Variants in ADAMTS9 observed in about 807,000 individuals in gnomAD.
ADAMTS9 encodes the protein ADAM metallopeptidase with thrombospondin type 1 motif 9, also known as A disintegrin and metalloproteinase with thrombospondin motifs 9.
Under a neutral mutation model 257.1 loss-of-function variants are expected in ADAMTS9, and 107 were observed. The observed-to-expected ratio is 0.42, with a 90% CI of 0.36 to 0.49. The LOEUF is 0.49. ADAMTS9 is among the 20% of genes least tolerant of loss of function. The pLI is 0.03. For synonymous variants in ADAMTS9, 982 were observed against 880.9 expected, an observed-to-expected ratio of 1.11 and a Z score of -2.03; for missense variants, 2,353 against 2,469.1, an observed-to-expected ratio of 0.95 and a Z score of 1.00.
At chr3:64,556,353 C>G (rs1292231048) in intron 30 of ADAMTS9, among the ~76,000 whole-genome samples, 1 of 152,142 alleles carries the variant, frequency 6.6e-6, no homozygotes, top group African/African-American at 2.4e-5. Context: ...CAGGGTCTTG[C>G]TCTGTTGCCC....
In ADAMTS9 at chr3:64,648,286, C is replaced by G. The variant is rs560587238; in HGVS notation, c.1606-242G>C. Among the ~76,000 whole-genome samples, 4 of 152,322 alleles carry G rather than the reference C, an allele frequency of 2.6e-5. No individual in the cohort carries two copies. The South Asian group carries it at 8.3e-4, about 32-fold the overall frequency. ...CTAAGGAAAGAAAACTTCACAGACA[C>G]AGCTGAAGGCCCTATGTACTCATCC... On this transcript the variant is annotated intron_variant, in intron 10 of 39. Transcript: ENST00000498707.
At chr3:64,583,931 C>T (rs1375274225) in intron 28 of ADAMTS9, 1 of 152,110 alleles carries the variant, frequency 6.6e-6, no homozygotes, top group African/African-American at 2.4e-5. Context: ...AATGAAGATC[C>T]CAATTACAAT....
chr3:64,598,725 A>C (rs1008076058), intron 26 of ADAMTS9, among the ~76,000 whole-genome samples: 12 of 152,184 alleles, frequency 7.9e-5, no homozygotes, highest in African/African-American at 2.9e-4. Flanking sequence ...AATGTTAGGA[A>C]GGGCCTTTCA....
chr3:64,572,638 A>C (rs1231805072), intron 28 of ADAMTS9, among the ~76,000 whole-genome samples: 1 of 152,188 alleles, frequency 6.6e-6, no homozygotes, highest in African/African-American at 2.4e-5. Context: ...CTGGACATCC[A>C]AAACAAGATG....
intron 12 of ADAMTS9, among the ~76,000 whole-genome samples, chr3:64,640,737 C>T (rs1217857024): frequency 6.6e-6 from 1 of 152,132 alleles, no homozygotes; most frequent in Non-Finnish European, 1.5e-5. Flanking sequence ...ATTTTCTATT[C>T]CTTTTCAACT....
intron 8 of ADAMTS9, 146 bp from the exon 9 acceptor site, chr3:64,651,309 T>A (rs1576161421): frequency 1.7e-6 from 1 of 596,762 alleles, no homozygotes; most frequent in African/African-American, 2.0e-5. Context: ...CAGAATAAAA[T>A]GTAAGACAAT....
intron 4 of ADAMTS9, among the ~76,000 whole-genome samples, chr3:64,657,277 T>C (rs202066737): frequency 6.6e-6 from 1 of 152,338 alleles, no homozygotes; most frequent in East Asian, 1.9e-4. Context: ...ATCTCATTAA[T>C]AATTTTTAAA....
At chr3:64,553,678 A>G (rs2083297202) in intron 30 of ADAMTS9, among the ~76,000 whole-genome samples, 1 of 152,090 alleles carries the variant, frequency 6.6e-6, no homozygotes, top group Non-Finnish European at 1.5e-5. Context: ...TCACTTGCAA[A>G]CTAAACTTAA....
intron 30 of ADAMTS9, among the ~76,000 whole-genome samples, chr3:64,558,578 C>T (rs374549684): frequency 3.5e-4 from 54 of 152,194 alleles, no homozygotes; most frequent in African/African-American, 1.3e-3. Flanking sequence ...CCCTGATGAC[C>T]ATGGCCATGG....
intron 30 of ADAMTS9, among the ~76,000 whole-genome samples, chr3:64,551,480 A>T (rs1044538461): frequency 2.6e-5 from 4 of 152,160 alleles, no homozygotes; most frequent in South Asian, 2.1e-4. Flanking sequence ...AAGTGCTGGG[A>T]TTACAGGCGT....
chr3:64,648,643 T>C (rs1431683024), intron 10 of ADAMTS9, among the ~76,000 whole-genome samples: 1 of 152,190 alleles, frequency 6.6e-6, no homozygotes, highest in Non-Finnish European at 1.5e-5. Context: ...TTTTTTTAAA[T>C]AGAAAAAGTT....
chr3:64,674,277 A>T (rs1701570104), intron 3 of ADAMTS9, among the ~76,000 whole-genome samples: 1 of 144,600 alleles, frequency 6.9e-6, no homozygotes, highest in South Asian at 2.1e-4. Context: ...TAAAAAAGAG[A>T]AAAAAATGTA....
intron 13 of ADAMTS9, 22 bp from the exon 14 acceptor site, chr3:64,633,630 A>G (rs1343331993): frequency 2.5e-6 from 4 of 1,613,816 alleles, no homozygotes; most frequent in Non-Finnish European, 3.4e-6. Flanking sequence ...AAACAATACA[A>G]CTTGACTTTT....
intron 22 of ADAMTS9, among the ~76,000 whole-genome samples, chr3:64,612,669 G>A (rs971824365): frequency 1.3e-5 from 2 of 152,190 alleles, no homozygotes; most frequent in African/African-American, 4.8e-5. Flanking sequence ...TGGGAACTCA[G>A]AGTGCTACTT....
intron 30 of ADAMTS9, among the ~76,000 whole-genome samples, chr3:64,559,448 G>T (rs2083385234): frequency 6.6e-6 from 1 of 152,164 alleles, no homozygotes; most frequent in African/African-American, 2.4e-5. Flanking sequence ...TCCACTTTGG[G>T]TGAAGGCAGA....
rs549931567 is a variant in ADAMTS9 at position 64,676,265 on chromosome 3, A to G, written c.679+4936T>C. ...TAAGAGACCAAAATGTGGCTTGGCT[A>G]TTGGTCTCCAGTGACAAGTTCAATA... On this transcript the variant is annotated intron_variant, in intron 3 of 39. Transcript: ENST00000498707. 1.0e-3 allele frequency among the ~76,000 whole-genome samples: 157 copies of G among 152,346 alleles called. 3 individuals are homozygous for G. The highest frequency in any genetic ancestry group is 3.5e-3 in the African/African-American group (146 of 41,582).
intron 3 of ADAMTS9, among the ~76,000 whole-genome samples, chr3:64,663,836 T>C (rs562185332): frequency 1.7e-3 from 253 of 152,300 alleles, no homozygotes; most frequent in African/African-American, 5.8e-3. Flanking sequence ...CTTTTTCTCC[T>C]AATGAGTTAG....
chr3:64,593,807 C>T (rs1478431359), intron 28 of ADAMTS9, among the ~76,000 whole-genome samples: 1 of 152,148 alleles, frequency 6.6e-6, no homozygotes, highest in Admixed American at 6.6e-5. Flanking sequence ...GTACCCGAGT[C>T]ACACAGGCAA....
At chr3:64,532,240 C>G (rs2082991570) in intron 38 of ADAMTS9, among the ~76,000 whole-genome samples, 1 of 152,224 alleles carries the variant, frequency 6.6e-6, no homozygotes, top group African/African-American at 2.4e-5. Context: ...ATATATCTAA[C>G]TTTCTGAACA....
Sources: gnomAD v4.1 joint callset for allele counts (sites outside exome capture counted in the v4.1 genomes callset) on GRCh38, gnomAD v4.1.1 for gene constraint, MANE v1.5 for transcripts, NCBI Gene and HGNC (gene_info 2026-07-23, HGNC 2026-07-21) for gene names.